MYOCD: variants seen among roughly 807,000 people sequenced by gnomAD.
MYOCD encodes the protein myocardin.
A neutral mutation model predicts 96.1 loss-of-function variants in MYOCD; 32 were observed. The ratio of observed to expected loss-of-function variants is 0.33; its 90% CI spans 0.25 to 0.45. MYOCD has a LOEUF of 0.45. Ranked by LOEUF, MYOCD falls within the 20% of genes least tolerant of loss-of-function variation. The probability of loss-of-function intolerance (pLI) is 1.00; values close to 1 mark genes in which losing one functional copy is unlikely to be tolerated. For synonymous variants in MYOCD, 469 were observed against 469.0 expected, an observed-to-expected ratio of 1.00 and a Z score of 0.00; for missense variants, 1,133 against 1,200.6, an observed-to-expected ratio of 0.94 and a Z score of 0.83.
intron 5 of MYOCD, among the ~76,000 whole-genome samples, chr17:12,735,518 TA>T: frequency 6.6e-6 from 1 of 152,016 alleles, no homozygotes; most frequent in Non-Finnish European, 1.5e-5. Context: ...TGCCAAATAA[TA>T]AAAAATGAGG....
intron 5 of MYOCD, among the ~76,000 whole-genome samples, chr17:12,728,232 TAA>T (rs1372210845): frequency 1.3e-5 from 2 of 152,222 alleles, no homozygotes; most frequent in African/African-American, 4.8e-5. Context: ...TCTAGCTTGT[TAA>T]TTCTCTCGCT....
intron 1 of MYOCD, among the ~76,000 whole-genome samples, chr17:12,679,655 T>C (rs1434249989): frequency 6.6e-6 from 1 of 152,192 alleles, no homozygotes; most frequent in Non-Finnish European, 1.5e-5. Flanking sequence ...GTGGTATATG[T>C]GCTACAGTAA....
At chr17:12,688,083 T>C (rs1024823815) in intron 1 of MYOCD, among the ~76,000 whole-genome samples, 33 of 151,996 alleles carry the variant, frequency 2.2e-4, no homozygotes, top group African/African-American at 7.5e-4. Flanking sequence ...TGCCAAAGAG[T>C]TGAGATGCAC....
In MYOCD at chr17:12,752,690, G is replaced by C; in HGVS notation, c.1402G>C (p.Ala468Pro). ...CCCAGCCTCCTCTGACCTGTCAGTC[G>C]CTGGGTCCCTGCCGGACACCTTCAA... ...ISPASSDLSV[A>P]GSLPDTFNDA... is the part of the protein sequence containing the mutation. Residue 468 changes from alanine to proline, a missense_variant, in exon 10 of 14, where the codon GCT becomes CCT. Coordinates refer to ENST00000425538, the MANE Select transcript of MYOCD (RefSeq NM_001146312.3). 1 of 1,614,126 alleles carries C rather than the reference G, an allele frequency of 6.2e-7. No homozygotes were observed. The highest frequency in any genetic ancestry group is 8.5e-7 in the Non-Finnish European group (1 of 1,180,032).
Position 12,666,110 on chromosome 17 carries a change from G to A in MYOCD, c.-79G>A. 1 of 1,085,382 alleles carries A rather than the reference G, an allele frequency of 9.2e-7. No homozygotes were observed. Among genetic ancestry groups the A allele is most frequent in the Admixed American group, 1.8e-5 (1 of 56,622 alleles). The allele number at this position is 1,085,382 out of a possible 1,614,324, so 67.2% of individuals were successfully genotyped here. A position where few individuals can be genotyped will look rare whatever the true frequency, so the allele number is the denominator to read the frequency against. On this transcript the variant is annotated 5_prime_UTR_variant, in exon 1 of 14. Transcript: ENST00000425538. Reference sequence around the variant, plus strand: ...AATTCTGGGTTGTTAGCTGCGGTCAGCTGGGCTCCCGGGAGCCTGTTGCTG... The same window carrying A: ...AATTCTGGGTTGTTAGCTGCGGTCAACTGGGCTCCCGGGAGCCTGTTGCTG...
intron 7 of MYOCD, among the ~76,000 whole-genome samples, chr17:12,741,086 G>A (rs1342788124): frequency 2.6e-5 from 4 of 152,090 alleles, no homozygotes; most frequent in East Asian, 1.9e-4. Context: ...TTCTCAGCTC[G>A]AGTGCCACCA....
chr17:12,686,373 T>C (rs148471021), intron 1 of MYOCD, among the ~76,000 whole-genome samples: 1 of 152,330 alleles, frequency 6.6e-6, no homozygotes, highest in African/African-American at 2.4e-5. Context: ...CAGGCTCTTA[T>C]GTGACTTGCA....
intron 8 of MYOCD, 151 bp from the exon 9 acceptor site, chr17:12,745,768 C>A: frequency 1.3e-6 from 1 of 748,718 alleles, no homozygotes; most frequent in Non-Finnish European, 2.2e-6. Context: ...TACCGTCTAG[C>A]CGGCAGTGTT....
chr17:12,748,187 CA>C (rs1027883765), intron 9 of MYOCD, among the ~76,000 whole-genome samples: 3 of 134,542 alleles, frequency 2.2e-5, no homozygotes, highest in African/African-American at 8.3e-5. Context: ...AACAAAAAAA[CA>C]AAAAAACTGG....
chr17:12,749,387 G>A (rs1363420278), intron 9 of MYOCD, among the ~76,000 whole-genome samples: 3 of 151,746 alleles, frequency 2.0e-5, no homozygotes, highest in Non-Finnish European at 4.4e-5. Context: ...AAATTAGCCG[G>A]GTGTGGTGGT....
At chr17:12,726,972 C>T (rs1753595409) in intron 5 of MYOCD, among the ~76,000 whole-genome samples, 1 of 152,088 alleles carries the variant, frequency 6.6e-6, no homozygotes, top group Non-Finnish European at 1.5e-5. Flanking sequence ...AATTCTCACT[C>T]CCCTCCTGAA....
intron 2 of MYOCD, among the ~76,000 whole-genome samples, chr17:12,706,974 T>G (rs552458804): frequency 2.0e-5 from 3 of 152,202 alleles, no homozygotes; most frequent in Non-Finnish European, 2.9e-5. Flanking sequence ...CTACCTCCTT[T>G]CAACCAGGCT....
At chr17:12,700,205 A>C (rs1163722145) in intron 1 of MYOCD, among the ~76,000 whole-genome samples, 1 of 151,412 alleles carries the variant, frequency 6.6e-6, no homozygotes, top group Admixed American at 6.6e-5. Flanking sequence ...CACCACAACC[A>C]GTCAATAAGC....
At position 12,744,224 on chromosome 17, in the gene MYOCD, C is replaced by T. The variant is rs958239711; in HGVS notation, c.759C>T (p.Pro253=). 6.2e-7 allele frequency: 1 copy of T among 1,614,000 alleles called. No individual in the cohort carries two copies. ...ACAGTAAGAACCGCCACAAAAAGCC[C>T]AAGGACCCCAAGCCAAAGGTGAAGA... ...LGDSKNRHKK[P]KDPKPKVKKL... is the part of the protein sequence containing the mutation. Residue 253 remains proline, a synonymous_variant, in exon 8 of 14, where the codon CCC becomes CCT. Transcript: ENST00000425538.
intron 1 of MYOCD, among the ~76,000 whole-genome samples, chr17:12,679,959 T>C (rs1910349874): frequency 6.6e-6 from 1 of 152,248 alleles, no homozygotes; most frequent in African/African-American, 2.4e-5. Flanking sequence ...TAATTTTGCC[T>C]TTCATCCTGA....
intron 1 of MYOCD, among the ~76,000 whole-genome samples, chr17:12,676,057 A>T (rs1224934566): frequency 6.6e-6 from 1 of 152,196 alleles, no homozygotes; most frequent in African/African-American, 2.4e-5. Flanking sequence ...AAAACATAAG[A>T]AGAAATTGAC....
chr17:12,714,515 A>G (rs1353538359), intron 2 of MYOCD, among the ~76,000 whole-genome samples: 1 of 152,138 alleles, frequency 6.6e-6, no homozygotes, highest in Non-Finnish European at 1.5e-5. Flanking sequence ...TCAGGGGAAA[A>G]AAAATCAATG....
chr17:12,728,442 A>T (rs1447885869), intron 5 of MYOCD, among the ~76,000 whole-genome samples: 7 of 152,118 alleles, frequency 4.6e-5, no homozygotes, highest in Admixed American at 3.9e-4. Context: ...TCACCTTTTC[A>T]TGGGACTGGG....
Position 12,722,911 on chromosome 17 carries a change from T to C in MYOCD, c.318T>C (p.Asp106=). 2 of 1,614,058 alleles carry C rather than the reference T, an allele frequency of 1.2e-6. No individual in the cohort carries two copies. Among genetic ancestry groups the C allele is most frequent in the Non-Finnish European group, 1.7e-6 (2 of 1,179,946 alleles). The change falls in exon 5 of 14, where the codon GAT becomes GAC. Residue 106 remains aspartate, a synonymous_variant. Transcript: ENST00000425538. ...AGCTGAAAAGAGCCCGACTCGCCGA[T>C]GATCTCAATGAAAAAATTGCTCTAC... ...QMKLKRARLA[D]DLNEKIALRP... is the part of the protein sequence containing the mutation.
Sources: allele counts gnomAD v4.1 joint callset (sites outside exome capture counted in the v4.1 genomes callset), GRCh38; gene constraint gnomAD v4.1.1; transcripts MANE v1.5; gene names NCBI Gene and HGNC (gene_info 2026-07-23, HGNC 2026-07-21).